The following MICAL3 variants were observed in gnomAD, a reference collection of about 807,000 sequenced individuals.
MICAL3 encodes microtubule associated monooxygenase, calponin and LIM domain containing 3.
Under a neutral mutation model 207.4 loss-of-function variants are expected in MICAL3, and 62 were observed. That is an observed-to-expected ratio of 0.30 (90% CI 0.24 to 0.37). The LOEUF is 0.37. MICAL3 is among the 10% of genes least tolerant of loss of function. The pLI, the probability that MICAL3 is intolerant of heterozygous loss-of-function variation, is 1.00. For synonymous variants in MICAL3, 1,077 were observed against 1,069.3 expected, an observed-to-expected ratio of 1.01 and a Z score of -0.14; for missense variants, 2,368 against 2,635.6, an observed-to-expected ratio of 0.90 and a Z score of 2.22.
chr22:17,950,684 C>G (rs9604810), intron 1 of MICAL3, among the ~76,000 whole-genome samples: 1 of 152,164 alleles, frequency 6.6e-6, no homozygotes, highest in Non-Finnish European at 1.5e-5. Flanking sequence ...CTGCACCACT[C>G]GGTTGCCAGG....
chr22:17,886,988 C>CAAAAAAAAATAAAAA (rs1929949732), intron 15 of MICAL3, among the ~76,000 whole-genome samples, 182 bp downstream of exon 15: 1 of 41,342 alleles, frequency 2.4e-5, no homozygotes, highest in East Asian at 8.4e-4. Flanking sequence ...ACTCTTGTCT[C>CAAAAAAAAATAAAAA]AAAAAAAAAA....
chr22:17,799,073 CAACT>C (rs2061909652), intron 29 of MICAL3, among the ~76,000 whole-genome samples: 1 of 152,164 alleles, frequency 6.6e-6, no homozygotes, highest in South Asian at 2.1e-4. Flanking sequence ...TGGCTATGCC[CAACT>C]GACTGGATTA....
chr22:17,792,561 C>T (rs1437074912), intron 29 of MICAL3, among the ~76,000 whole-genome samples: 3 of 152,236 alleles, frequency 2.0e-5, no homozygotes, highest in Admixed American at 6.5e-5. Flanking sequence ...TGCTAGCTGC[C>T]TTTCTCCACC....
chr22:17,797,734 G>A (rs2061891392), intron 29 of MICAL3, among the ~76,000 whole-genome samples: 1 of 152,216 alleles, frequency 6.6e-6, no homozygotes, highest in African/African-American at 2.4e-5. Flanking sequence ...GGATGATGCG[G>A]GAGACTACTA....
At chr22:17,834,226 A>ACATT (rs1435781676) in intron 20 of MICAL3, 3 of 1,088,620 alleles carry the variant, frequency 2.8e-6, no homozygotes, top group Non-Finnish European at 3.4e-6. Context: ...GCTCAATGAC[A>ACATT]CATTCATTCA....
At position 17,895,419 on chromosome 22, in the gene MICAL3, A is replaced by G; in HGVS notation, c.1323-9T>C. The stretch of plus-strand genomic sequence containing the variant: ...ACCTGTAAATACTTTCCCTGCAATA[A>G]CACAACAATATACTCAGAATCGGGA... On this transcript the variant is annotated splice_polypyrimidine_tract_variant and intron_variant, in intron 9 of 31. Transcript: ENST00000441493. 6 of 1,613,416 alleles carry G rather than the reference A, an allele frequency of 3.7e-6. No individual in the cohort carries two copies. The highest frequency in any genetic ancestry group is 5.1e-6 in the Non-Finnish European group (6 of 1,179,606).
Position 17,841,270 on chromosome 22 carries a change from AG to A in MICAL3, c.2801+551del, listed in dbSNP as rs1923977546. On this transcript the variant is annotated intron_variant, in intron 20 of 31. Coordinates refer to ENST00000441493, the MANE Select transcript of MICAL3 (RefSeq NM_015241.3). The surrounding 1 kb of genome is among the most constrained non-coding windows in gnomAD (Gnocchi z 4.2). Reference sequence around the variant, plus strand: ...CAGGGCAGTGGATATAGGGAGTCCTAGGGTTATAGCATGCACATCCCCAAAG... The same window carrying A: ...CAGGGCAGTGGATATAGGGAGTCCTAGGTTATAGCATGCACATCCCCAAAG... 1 of 164,594 alleles carries A rather than the reference AG, an allele frequency of 6.1e-6. No homozygotes were observed. Among genetic ancestry groups the A allele is most frequent in the Non-Finnish European group, 1.3e-5 (1 of 74,792 alleles). 10.2% of individuals were successfully genotyped at this position (164,594 alleles called of 1,614,324 possible).
At chr22:17,994,744 G>A (rs1922093374) in intron 1 of MICAL3, among the ~76,000 whole-genome samples, 1 of 150,906 alleles carries the variant, frequency 6.6e-6, no homozygotes, top group Non-Finnish European at 1.5e-5. Flanking sequence ...GAAAAAAAAA[G>A]AAGCATGGGC....
chr22:17,951,286 C>T (rs1010934122), intron 1 of MICAL3, among the ~76,000 whole-genome samples: 17 of 152,092 alleles, frequency 1.1e-4, no homozygotes, highest in African/African-American at 4.1e-4. Context: ...ACCCGGGGTC[C>T]GTCATTCAGT....
chr22:17,816,915 TC>T, intron 26 of MICAL3, 131 bp from the exon 27 acceptor site: 1 of 719,696 alleles, frequency 1.4e-6, no homozygotes, highest in South Asian at 1.7e-5. Flanking sequence ...AAGGGATCCA[TC>T]CCCCATCCTG....
rs1370047403 is a variant in MICAL3 at position 17,796,420 on chromosome 22, C to T, written c.5651-5119G>A. ...TGGCACTCTCCGGCTTCAGGGCGCC[C>T]TCGCATGCACCACCCACGTGATCCT... On this transcript the variant is annotated intron_variant, in intron 29 of 31. Coordinates refer to ENST00000441493, the MANE Select transcript of MICAL3 (RefSeq NM_015241.3). The surrounding 1 kb of genome is among the most constrained non-coding windows in gnomAD (Gnocchi z 4.4). Among the ~76,000 whole-genome samples, 1 of 152,356 alleles carries T rather than the reference C, an allele frequency of 6.6e-6. No homozygotes were observed. The highest frequency in any genetic ancestry group is 2.1e-4 in the South Asian group (1 of 4,824).
intron 29 of MICAL3, among the ~76,000 whole-genome samples, chr22:17,805,587 T>C (rs1343003583): frequency 6.6e-6 from 1 of 152,094 alleles, no homozygotes. Flanking sequence ...AAGGAAGGAG[T>C]TTGCACTACG....
chr22:17,955,459 G>T (rs1454785340), intron 1 of MICAL3, among the ~76,000 whole-genome samples: 1 of 152,194 alleles, frequency 6.6e-6, no homozygotes, highest in East Asian at 1.9e-4. Flanking sequence ...AGGGGATGTA[G>T]CTATCAGTAG....
intron 19 of MICAL3, chr22:17,860,468 C>T: frequency 1.0e-6 from 1 of 985,518 alleles, no homozygotes; most frequent in Non-Finnish European, 1.2e-6. Flanking sequence ...CCCGCAGGCA[C>T]CCCAAGCTGA....
intron 1 of MICAL3, among the ~76,000 whole-genome samples, chr22:17,987,698 G>A (rs577061698): frequency 1.3e-5 from 2 of 152,312 alleles, no homozygotes; most frequent in East Asian, 1.9e-4. Flanking sequence ...GAACTTTCTC[G>A]ATCACTGTCC....
At chr22:17,893,712 G>T in intron 11 of MICAL3, 96 bp downstream of exon 11, 1 of 894,702 alleles carries the variant, frequency 1.1e-6, no homozygotes, top group Non-Finnish European at 1.8e-6. Context: ...CAGTACTTCG[G>T]CCACTGCCTC....
chr22:17,911,161 C>G (rs1034410427), intron 1 of MICAL3, among the ~76,000 whole-genome samples: 5 of 152,130 alleles, frequency 3.3e-5, no homozygotes, highest in Non-Finnish European at 7.4e-5. Flanking sequence ...GAGGATGGCA[C>G]TGCAGAGACG....
intron 16 of MICAL3, among the ~76,000 whole-genome samples, chr22:17,878,052 A>G (rs887649814): frequency 6.6e-6 from 1 of 151,808 alleles, no homozygotes; most frequent in Non-Finnish European, 1.5e-5. Context: ...ACAGGTTTTC[A>G]CTGTGTTAGC....
At chr22:17,930,462 A>G (rs1933188179) in intron 1 of MICAL3, among the ~76,000 whole-genome samples, 1 of 152,266 alleles carries the variant, frequency 6.6e-6, no homozygotes, top group Non-Finnish European at 1.5e-5. Context: ...ATGGAATACC[A>G]CACAGCAGGA....
Sources: gnomAD v4.1 joint callset for allele counts (sites outside exome capture counted in the v4.1 genomes callset) on GRCh38, gnomAD v4.1.1 for gene constraint, Gnocchi (gnomAD v3.1) non-coding constraint, MANE v1.5 for transcripts, NCBI Gene and HGNC (gene_info 2026-07-23, HGNC 2026-07-21) for gene names.